The following DLG2 variants were observed in gnomAD, a reference collection of about 807,000 sequenced individuals.
DLG2 encodes the protein discs large MAGUK scaffold protein 2.
A neutral mutation model predicts 132.5 loss-of-function variants in DLG2; 45 were observed. The ratio of observed to expected loss-of-function variants is 0.34; its 90% CI spans 0.27 to 0.44. The LOEUF is 0.44. Ranked by LOEUF, DLG2 falls within the 20% of genes least tolerant of loss-of-function variation. DLG2 has a pLI of 1.00. For synonymous variants in DLG2, 424 were observed against 419.6 expected (o/e 1.01, Z -0.13); for missense variants, 1,045 against 1,196.9 (o/e 0.87, Z 1.87).
chr11:84,526,924 A>G (rs1049133039), intron 7 of DLG2, among the ~76,000 whole-genome samples: 57 of 151,956 alleles, frequency 3.8e-4, no homozygotes, highest in African/African-American at 1.3e-3. Context: ...GACTACAGGC[A>G]TCCGCCACCA....
At chr11:85,371,303 A>G (rs1263870337) in intron 3 of DLG2, among the ~76,000 whole-genome samples, 1 of 151,774 alleles carries the variant, frequency 6.6e-6, no homozygotes, top group Non-Finnish European at 1.5e-5. Flanking sequence ...TTGCTAATCC[A>G]TGTTTTGTTT....
At chr11:84,494,451 C>T (rs1202825603) in intron 7 of DLG2, among the ~76,000 whole-genome samples, 1 of 152,106 alleles carries the variant, frequency 6.6e-6, no homozygotes, top group Non-Finnish European at 1.5e-5. Flanking sequence ...TAGAGACTGG[C>T]CAGAGACCCA....
intron 4 of DLG2, among the ~76,000 whole-genome samples, chr11:85,210,805 T>G (rs1338659622): frequency 6.6e-6 from 1 of 152,130 alleles, no homozygotes; most frequent in Non-Finnish European, 1.5e-5. Flanking sequence ...AGCTGAAACT[T>G]CTTTAAAACT....
intron 7 of DLG2, among the ~76,000 whole-genome samples, chr11:84,304,000 G>A (rs1359819201): frequency 1.3e-5 from 2 of 152,160 alleles, no homozygotes. Context: ...AGGTAAATAA[G>A]ACAGGTCATG....
At chr11:84,348,337 G>C (rs2098547986) in intron 7 of DLG2, among the ~76,000 whole-genome samples, 1 of 152,132 alleles carries the variant, frequency 6.6e-6, no homozygotes, top group African/African-American at 2.4e-5. Context: ...AGGCAGTTAG[G>C]AAATGATAGA....
intron 7 of DLG2, among the ~76,000 whole-genome samples, chr11:84,495,625 G>A (rs2099180396): frequency 6.6e-6 from 1 of 152,038 alleles, no homozygotes; most frequent in African/African-American, 2.4e-5. Context: ...ATCTATTTTG[G>A]GAAAACTCTG....
chr11:85,021,773 G>A (rs1029870523), intron 6 of DLG2: 8 of 550,488 alleles, frequency 1.5e-5, no homozygotes, highest in Admixed American at 3.1e-5. Flanking sequence ...TGGGTTCTAC[G>A]TGGAGAACCT....
intron 3 of DLG2, among the ~76,000 whole-genome samples, chr11:85,482,227 G>A (rs2153090972): frequency 6.6e-6 from 1 of 152,100 alleles, no homozygotes; most frequent in South Asian, 2.1e-4. Flanking sequence ...TTGCCTCCAG[G>A]AAGACCTCTG....
chr11:84,579,395 A>C (rs544071777), intron 6 of DLG2, among the ~76,000 whole-genome samples: 6 of 152,194 alleles, frequency 3.9e-5, no homozygotes, highest in African/African-American at 9.7e-5. Context: ...GCAGTAAAAA[A>C]ACTACTGTGG....
At chr11:84,710,391 T>G (rs2060248259) in intron 6 of DLG2, among the ~76,000 whole-genome samples, 1 of 151,992 alleles carries the variant, frequency 6.6e-6, no homozygotes. Flanking sequence ...GTACCTACAT[T>G]TCTCCAAATG....
At chr11:85,199,272 T>C (rs2081283327) in intron 4 of DLG2, among the ~76,000 whole-genome samples, 1 of 152,202 alleles carries the variant, frequency 6.6e-6, no homozygotes, top group Non-Finnish European at 1.5e-5. Flanking sequence ...AAAATCATTA[T>C]ATTGAGCAAG....
intron 21 of DLG2, among the ~76,000 whole-genome samples, chr11:83,516,461 G>A (rs146653741): frequency 0.044 from 6,750 of 152,206 alleles, 154 homozygotes; most frequent in Middle Eastern, 0.092. Context: ...ACACTGGTGG[G>A]TCTTGACTGT....
chr11:84,127,425 T>G (rs1223300629), intron 9 of DLG2, among the ~76,000 whole-genome samples: 1 of 152,216 alleles, frequency 6.6e-6, no homozygotes, highest in Non-Finnish European at 1.5e-5. Context: ...ATAATTTTAC[T>G]GTCTCACAGT....
At position 84,030,904 on chromosome 11, in the gene DLG2, C is replaced by T. The variant is rs201766264; in HGVS notation, c.919+28411G>A. Among the ~76,000 whole-genome samples the T allele has an allele frequency of 6.6e-5, 10 of 152,172 alleles. No individual in the cohort carries two copies. In the East Asian group the frequency reaches 1.9e-3, roughly 29 times the overall value. ...AAAGAGACTCTATTCAAGATGACTG[C>T]CTGAATCTCAATAGAGGGGTGGACC... is the stretch of plus-strand genomic sequence containing the variant. On this transcript the variant is annotated intron_variant, in intron 11 of 27. Transcript: ENST00000376104.
intron 16 of DLG2, among the ~76,000 whole-genome samples, chr11:83,873,706 T>G (rs1252052844): frequency 6.6e-6 from 1 of 152,160 alleles, no homozygotes; most frequent in Non-Finnish European, 1.5e-5. Flanking sequence ...AAGCACTCAG[T>G]AAATGTTAGT....
rs1314662989 is a variant in DLG2 at position 83,480,588 on chromosome 11, C to T, written c.2293+3541G>A. 3.2e-6 allele frequency: 5 copies of T among 1,552,898 alleles called. No individual in the cohort carries two copies. In the South Asian group the frequency reaches 5.9e-5, roughly 18 times the overall value. ...GATAAAGAAGATGAAAACTTTATCT[C>T]CATTTTACAGGAACCCGCTGCTTGA... On this transcript the variant is annotated intron_variant, in intron 22 of 27. Coordinates refer to ENST00000376104, the MANE Select transcript of DLG2 (RefSeq NM_001142699.3).
intron 7 of DLG2, among the ~76,000 whole-genome samples, chr11:84,384,279 G>A (rs912067851): frequency 1.3e-5 from 2 of 151,782 alleles, no homozygotes; most frequent in African/African-American, 4.8e-5. Context: ...ATTATTTAAT[G>A]AGGGCCTATT....
chr11:84,626,847 A>ACATTTTTTATTTTTTTATTTATTTTTTT (rs373094154), intron 6 of DLG2, among the ~76,000 whole-genome samples: 1 of 144,012 alleles, frequency 6.9e-6, no homozygotes, highest in African/African-American at 2.6e-5. Context: ...CATCAATTAC[A>ACATTTTTTATTTTTTTATTTATTTTTTT]TATTTTATTT....
chr11:84,667,099 A>T (rs1297908487), intron 6 of DLG2, among the ~76,000 whole-genome samples: 1 of 152,154 alleles, frequency 6.6e-6, no homozygotes, highest in Non-Finnish European at 1.5e-5. Context: ...AGTGTTAGTT[A>T]TTATTATTCT....
Sources: allele counts gnomAD v4.1 joint callset (sites outside exome capture counted in the v4.1 genomes callset), GRCh38; gene constraint gnomAD v4.1.1; transcripts MANE v1.5; gene names NCBI Gene and HGNC (gene_info 2026-07-23, HGNC 2026-07-21).